The following SLC25A31 variants were observed in gnomAD, a reference collection of about 807,000 sequenced individuals.
SLC25A31 encodes ADP/ATP translocase 4.
SLC25A31 carries 40 observed loss-of-function variants against 36.2 expected under a neutral mutation model. The observed-to-expected ratio is 1.10, with a 90% CI of 0.86 to 1.44. The LOEUF is 1.44. Among genes scored for constraint, SLC25A31 ranks in the 40% most tolerant of loss-of-function variants. The pLI is 0.00. For synonymous variants in SLC25A31, 143 were observed against 149.7 expected (o/e 0.96, Z 0.32); for missense variants, 350 against 397.1 (o/e 0.88, Z 1.01).
chr4:127,759,373 G>A (rs1732086955), intron 2 of SLC25A31, among the ~76,000 whole-genome samples: 1 of 151,896 alleles, frequency 6.6e-6, no homozygotes, highest in Admixed American at 6.6e-5. Flanking sequence ...GTATATTTAG[G>A]GTTTGGGAGG....
At position 127,747,717 on chromosome 4, in the gene SLC25A31, T is replaced by C. The variant is rs140257184; in HGVS notation, c.360+2918T>C. ...TATGACAGGCATTCAGTAAAATGTTTCTGGCCTCTTAAGCTGACAGCTCTA... is the reference window on the plus strand; with the variant it reads ...TATGACAGGCATTCAGTAAAATGTTCCTGGCCTCTTAAGCTGACAGCTCTA... On this transcript the variant is annotated intron_variant, in intron 2 of 5. Coordinates refer to ENST00000281154, the MANE Select transcript of SLC25A31 (RefSeq NM_031291.4). Among the ~76,000 whole-genome samples the C allele has an allele frequency of 2.0e-5, 3 of 152,318 alleles. No individual in the cohort carries two copies. The East Asian group carries it at 5.8e-4, about 29-fold the overall frequency.
rs868271822 is a variant in SLC25A31 at position 127,773,388 on chromosome 4, T to C, written c.762T>C (p.Ser254=). ...ACCCTTTGTTTTTCTTTGTATAGAG[T>C]GGTGAGGCTAAACGGCAATATAAAG... is the stretch of plus-strand genomic sequence containing the variant. ...DTVRRRMMMQ[S]GEAKRQYKGT... Residue 254 remains serine, a splice_region_variant and synonymous_variant, in exon 6 of 6, where the codon AGT becomes AGC. Transcript: ENST00000281154. 7 of 1,608,840 alleles carry C rather than the reference T, an allele frequency of 4.4e-6. No individual in the cohort carries two copies. Among genetic ancestry groups the C allele is most frequent in the African/African-American group, 4.0e-5 (3 of 74,458 alleles).
At chr4:127,735,890 TTA>T (rs201759042) in intron 1 of SLC25A31, among the ~76,000 whole-genome samples, 3 of 55,662 alleles carry the variant, frequency 5.4e-5, no homozygotes, top group Admixed American at 1.9e-4. Context: ...ATTTATTTAT[TTA>T]TTTATTTTTT....
At chr4:127,769,198 G>T (rs1419371335) in intron 5 of SLC25A31, among the ~76,000 whole-genome samples, 1 of 152,088 alleles carries the variant, frequency 6.6e-6, no homozygotes, top group East Asian at 1.9e-4. Flanking sequence ...AGTAGAATAA[G>T]CCCAGTCACA....
chr4:127,743,316 T>G (rs1034513841), intron 1 of SLC25A31, among the ~76,000 whole-genome samples: 1 of 152,064 alleles, frequency 6.6e-6, no homozygotes, highest in South Asian at 2.1e-4. Context: ...TTTAATTTTT[T>G]GTAGAGATGC....
At chr4:127,763,531 T>C (rs1732182219) in intron 2 of SLC25A31, among the ~76,000 whole-genome samples, 1 of 152,196 alleles carries the variant, frequency 6.6e-6, no homozygotes, top group South Asian at 2.1e-4. Flanking sequence ...AAAAGCATCT[T>C]GCTGAACCTG....
In SLC25A31 at chr4:127,773,738, A is replaced by AGATAAATGT; in HGVS notation, c.*166_*174dup. 1.9e-6 allele frequency: 1 copy of AGATAAATGT among 524,002 alleles called. No homozygotes were observed. The highest frequency in any genetic ancestry group is 3.4e-5 in the East Asian group (1 of 29,610). The allele number at this position is 524,002 out of a possible 1,614,324, so 32.5% of individuals were successfully genotyped here. ...TTCAAGAATTTAAATACTAAAAATCAGATAAATGTGGATTTTCCTCCCACT... is the reference window on the plus strand; with the variant it reads ...TTCAAGAATTTAAATACTAAAAATCAGATAAATGTGATAAATGTGGATTTTCCTCCCACT... On this transcript the variant is annotated 3_prime_UTR_variant, in exon 6 of 6. Transcript: ENST00000281154.
At chr4:127,751,933 G>A (rs1394826834) in intron 2 of SLC25A31, among the ~76,000 whole-genome samples, 1 of 152,206 alleles carries the variant, frequency 6.6e-6, no homozygotes, top group Non-Finnish European at 1.5e-5. Context: ...GTGCTGGAGA[G>A]GATGTGGAGA....
At chr4:127,748,766 C>T (rs979891880) in intron 2 of SLC25A31, among the ~76,000 whole-genome samples, 5 of 152,176 alleles carry the variant, frequency 3.3e-5, no homozygotes, top group Admixed American at 6.5e-5. Context: ...AACGACCTAA[C>T]AGGAGAAGAT....
chr4:127,732,639 C>T (rs1287169852), intron 1 of SLC25A31, among the ~76,000 whole-genome samples: 1 of 152,136 alleles, frequency 6.6e-6, no homozygotes, highest in Admixed American at 6.6e-5. Context: ...TAAACCTAAA[C>T]GTATTCAATA....
intron 1 of SLC25A31, among the ~76,000 whole-genome samples, chr4:127,738,237 T>G (rs913169746): frequency 2.6e-5 from 4 of 152,096 alleles, no homozygotes; most frequent in African/African-American, 9.6e-5. Flanking sequence ...ACTACAGACG[T>G]GCACCACCAC....
rs201765361 is a variant in SLC25A31 at position 127,764,233 on chromosome 4, T to A, written c.361-10T>A. 883 of 1,608,798 alleles carry A rather than the reference T, an allele frequency of 5.5e-4. 2 individuals are homozygous for A. The highest frequency in any genetic ancestry group is 7.4e-4 in the Non-Finnish European group (865 of 1,176,102). ...GGTTTAATAACCACTTTTAAATTAA[T>A]ATGTTTCAGTTCTGGAGGTGGTTTT... On this transcript the variant is annotated splice_polypyrimidine_tract_variant and intron_variant, in intron 2 of 5. Transcript: ENST00000281154.
At chr4:127,739,919 A>T (rs546039229) in intron 1 of SLC25A31, among the ~76,000 whole-genome samples, 3 of 152,000 alleles carry the variant, frequency 2.0e-5, no homozygotes, top group African/African-American at 7.2e-5. Flanking sequence ...TTTCAATTCC[A>T]TAAGATCTCA....
intron 2 of SLC25A31, among the ~76,000 whole-genome samples, chr4:127,761,947 T>G (rs548260948): frequency 6.6e-6 from 1 of 152,240 alleles, no homozygotes; most frequent in Admixed American, 6.5e-5. Context: ...ACTACCCTTA[T>G]GTCAGATGCA....
At position 127,774,051 on chromosome 4, in the gene SLC25A31, T is replaced by A. The variant is rs907712349; in HGVS notation, c.*477T>A. 1 of 152,356 alleles carries A rather than the reference T, an allele frequency of 6.6e-6. No homozygotes were observed. Among genetic ancestry groups the A allele is most frequent in the Non-Finnish European group, 1.5e-5 (1 of 68,160 alleles). 9.4% of individuals were successfully genotyped at this position (152,356 alleles called of 1,614,324 possible). A position where few individuals can be genotyped will look rare whatever the true frequency, so the allele number is the denominator to read the frequency against. On this transcript the variant is annotated 3_prime_UTR_variant, in exon 6 of 6. Transcript: ENST00000281154. ...TGTTCTATATCTCTTCTAAGACAGT[T>A]GTTATTACTGTGTATAATATTTACA... is the stretch of plus-strand genomic sequence containing the variant.
Position 127,767,098 on chromosome 4 carries a change from G to T in SLC25A31, c.511G>T (p.Asp171Tyr). 6.2e-7 allele frequency: 1 copy of T among 1,613,336 alleles called. No homozygotes were observed. ...PEERQFKGLG[D>Y]CIMKIAKSDG... is the part of the protein sequence containing the mutation. ...GGAGCGACAATTCAAGGGTTTAGGT[G>T]ACTGTATTATGAAAATAGCAAAATC... is the stretch of plus-strand genomic sequence containing the variant. Residue 171 changes from aspartate to tyrosine, a missense_variant, in exon 4 of 6, where the codon GAC becomes TAC. Asp to Tyr is a radical substitution (Grantham distance 160, BLOSUM62 -3). Coordinates refer to ENST00000281154, the MANE Select transcript of SLC25A31 (RefSeq NM_031291.4).
chr4:127,755,217 C>T (rs1732007529), intron 2 of SLC25A31, among the ~76,000 whole-genome samples: 1 of 152,042 alleles, frequency 6.6e-6, no homozygotes, highest in South Asian at 2.1e-4. Context: ...TTGGTCTGAG[C>T]CATGATTTTT....
At chr4:127,761,317 A>T (rs979319515) in intron 2 of SLC25A31, among the ~76,000 whole-genome samples, 2 of 152,244 alleles carry the variant, frequency 1.3e-5, no homozygotes, top group African/African-American at 4.8e-5. Context: ...CAAGAAAGAA[A>T]AAAAGATTAA....
intron 1 of SLC25A31, among the ~76,000 whole-genome samples, chr4:127,741,888 C>A (rs968046690): frequency 6.6e-6 from 1 of 152,082 alleles, no homozygotes; most frequent in African/African-American, 2.4e-5. Flanking sequence ...TTATCAATTT[C>A]ATATATGTTA....
Sources: allele counts gnomAD v4.1 joint callset (sites outside exome capture counted in the v4.1 genomes callset), GRCh38; gene constraint gnomAD v4.1.1; transcripts MANE v1.5; gene names NCBI Gene and HGNC (gene_info 2026-07-23, HGNC 2026-07-21).